The following IFIH1 variants were observed in gnomAD, a reference collection of about 807,000 sequenced individuals.
IFIH1 encodes the protein interferon induced with helicase C domain 1.
In IFIH1, 125 loss-of-function variants were observed where a neutral mutation model predicts 107.4. The observed-to-expected ratio is 1.16, with a 90% CI of 1.01 to 1.35. The LOEUF (loss-of-function observed/expected upper bound fraction) is 1.35. Ranked by LOEUF, IFIH1 falls within the 40% of genes most tolerant of loss-of-function variation. The pLI is 0.00. For synonymous variants in IFIH1, 458 were observed against 413.2 expected (o/e 1.11, Z -1.31); for missense variants, 1,333 against 1,213.7 (o/e 1.10, Z -1.46).
At chr2:162,294,525 CA>C (rs2105215484) in intron 3 of IFIH1, among the ~76,000 whole-genome samples, 1 of 151,986 alleles carries the variant, frequency 6.6e-6, no homozygotes, top group Non-Finnish European at 1.5e-5. Context: ...GAAGGACTTG[CA>C]AAATTTGCTA....
intron 3 of IFIH1, among the ~76,000 whole-genome samples, chr2:162,297,167 C>T (rs541657997): frequency 6.6e-6 from 1 of 152,170 alleles, no homozygotes; most frequent in African/African-American, 2.4e-5. Context: ...CACACACTCC[C>T]AAAAAAGTGA....
At chr2:162,271,001 G>C (rs1270309351) in intron 13 of IFIH1, among the ~76,000 whole-genome samples, 1 of 152,072 alleles carries the variant, frequency 6.6e-6, no homozygotes, top group Admixed American at 6.6e-5. Flanking sequence ...CCATATGCAA[G>C]GGTGTGAATT....
intron 13 of IFIH1, among the ~76,000 whole-genome samples, chr2:162,271,493 A>G (rs1691038422): frequency 6.6e-6 from 1 of 152,078 alleles, no homozygotes; most frequent in Admixed American, 6.6e-5. Context: ...GCATTAAGAG[A>G]AATACCTAAT....
chr2:162,282,030 T>C (rs1682818669), intron 6 of IFIH1, among the ~76,000 whole-genome samples: 1 of 151,980 alleles, frequency 6.6e-6, no homozygotes, highest in Non-Finnish European at 1.5e-5. Flanking sequence ...TCCTACCTTC[T>C]CATCCTATAC....
At chr2:162,277,263 C>A in intron 10 of IFIH1, 152 bp downstream of exon 10, 1 of 614,926 alleles carries the variant, frequency 1.6e-6, no homozygotes, top group South Asian at 2.2e-5. Flanking sequence ...CAACTGGTAG[C>A]TAATCTGGTC....
Position 162,304,577 on chromosome 2 carries a change from ATATCT to A in IFIH1, c.769+2127_769+2131del, listed in dbSNP as rs1683247914. ...TGGTACTATTTATGACAATGAATTG[ATATCT>A]TATATACTTAGATAGTTCATATAAG... On this transcript the variant is annotated intron_variant, in intron 3 of 15. Coordinates refer to ENST00000649979, the MANE Select transcript of IFIH1 (RefSeq NM_022168.4). Among the ~76,000 whole-genome samples, 3 of 152,338 alleles carry A rather than the reference ATATCT, an allele frequency of 2.0e-5. No individual in the cohort carries two copies. The South Asian group carries it at 6.2e-4, about 32-fold the overall frequency.
At position 162,314,416 on chromosome 2, in the gene IFIH1, T is replaced by TTTCTTTCCTTTC. The variant is rs71009355; in HGVS notation, c.453+3438_453+3439insGAAAGGAAAGAA. Among the ~76,000 whole-genome samples, 108 of 51,472 alleles carry TTTCTTTCCTTTC rather than the reference T, an allele frequency of 2.1e-3. 1 individual carries two copies. Among genetic ancestry groups the TTTCTTTCCTTTC allele is most frequent in the Middle Eastern group, 9.3e-3 (1 of 108 alleles). 33.8% of individuals were successfully genotyped at this position (51,472 alleles called of 152,430 possible). A position where few individuals can be genotyped will look rare whatever the true frequency, so the allele number is the denominator to read the frequency against. ...CCTCCCTCCTTTCTTTCTTTCTTTC[T>TTTCTTTCCTTTC]TTTCTTTCTTTCTTTCTTTCTTTCT... On this transcript the variant is annotated intron_variant, in intron 1 of 15. Transcript: ENST00000649979.
At chr2:162,303,841 T>C (rs1683233997) in intron 3 of IFIH1, among the ~76,000 whole-genome samples, 1 of 152,160 alleles carries the variant, frequency 6.6e-6, no homozygotes, top group Admixed American at 6.5e-5. Flanking sequence ...AATGCATTAG[T>C]CTGGTAATCT....
rs1682779832 is a variant in IFIH1, at chr2:162,280,130, T to C, written c.1525-18A>G. The C allele has an allele frequency of 7.7e-7, 1 of 1,293,330 alleles. No homozygotes were observed. Among genetic ancestry groups the C allele is most frequent in the Non-Finnish European group, 1.1e-6 (1 of 896,414 alleles). 80.1% of individuals were successfully genotyped at this position (1,293,330 alleles called of 1,614,324 possible). ...GCACATAGCTGGAAAAGAGACATTT[T>C]TCAATATTTATGCAATTATTTTTCC... On this transcript the variant is annotated intron_variant, in intron 7 of 15. Transcript: ENST00000649979.
intron 13 of IFIH1, among the ~76,000 whole-genome samples, chr2:162,269,852 T>C (rs1490525765): frequency 2.6e-5 from 4 of 152,220 alleles, no homozygotes; most frequent in East Asian, 1.9e-4. Flanking sequence ...GGCTATATAA[T>C]AGATTAATCA....
intron 8 of IFIH1, among the ~76,000 whole-genome samples, chr2:162,279,039 TTAAAG>T (rs1334081266): frequency 6.6e-6 from 1 of 151,998 alleles, no homozygotes; most frequent in Non-Finnish European, 1.5e-5. Flanking sequence ...TATAAAAAAA[TTAAAG>T]TAAGTTTAAA....
chr2:162,301,028 T>A (rs1195607100), intron 3 of IFIH1, among the ~76,000 whole-genome samples: 2 of 152,186 alleles, frequency 1.3e-5, no homozygotes, highest in Non-Finnish European at 2.9e-5. Context: ...AGAAGAAGGC[T>A]GTTTTGTAAA....
chr2:162,312,330 T>G (rs535322015), intron 1 of IFIH1, among the ~76,000 whole-genome samples: 18 of 152,268 alleles, frequency 1.2e-4, no homozygotes, highest in African/African-American at 4.1e-4. Context: ...TAGTTAAGCA[T>G]GCTGTTCTAG....
At chr2:162,314,438 T>TTCTTTCTTTCTC (rs1683446293) in intron 1 of IFIH1, among the ~76,000 whole-genome samples, 4 of 117,156 alleles carry the variant, frequency 3.4e-5, no homozygotes, top group Non-Finnish European at 3.2e-5. Flanking sequence ...CTTTCTTTCT[T>TTCTTTCTTTCTC]TCTTTCTTTC....
chr2:162,288,999 A>G (rs1038984109), intron 4 of IFIH1, among the ~76,000 whole-genome samples: 1 of 151,450 alleles, frequency 6.6e-6, no homozygotes, highest in Non-Finnish European at 1.5e-5. Flanking sequence ...ATCTGAGGCA[A>G]CTACGTTGTA....
intron 1 of IFIH1, among the ~76,000 whole-genome samples, chr2:162,312,316 C>G (rs2105231768): frequency 6.6e-6 from 1 of 152,202 alleles, no homozygotes; most frequent in South Asian, 2.1e-4. Flanking sequence ...GTCTTAGCAT[C>G]TAGTAGTTAA....
At chr2:162,272,489 TG>T (rs1443495285) in intron 12 of IFIH1, 102 bp from the exon 13 acceptor site, 1 of 1,008,542 alleles carries the variant, frequency 9.9e-7, no homozygotes, top group Admixed American at 2.6e-5. Flanking sequence ...GAAATGATAT[TG>T]GGTTGTTCAG....
chr2:162,298,780 A>G lies in IFIH1; in HGVS notation c.770-5112T>C, dbSNP rs1183748654. On this transcript the variant is annotated intron_variant, in intron 3 of 15. Transcript: ENST00000649979. ...TGTATATGGATCTACACACACACGC[A>G]CGCGCGCGCGCACACACACACACAC... 2.6e-5 allele frequency among the ~76,000 whole-genome samples: 4 copies of G among 151,096 alleles called. No homozygotes were observed. In the South Asian group the frequency reaches 8.4e-4, roughly 32 times the overall value.
In IFIH1 at chr2:162,280,035, C is replaced by T. The variant is rs1682777545; in HGVS notation, c.1602G>A (p.Glu534=). ...NLDQLKNQIQ[E]PCKKFAIADA... ...CTGCAATGGCAAACTTCTTGCATGG[C>T]TCCTGTATTTGGTTTTTCAGTTGAT... The change falls in exon 8 of 16, where the codon GAG becomes GAA. Residue 534 remains glutamate, a synonymous_variant. Transcript: ENST00000649979. The T allele has an allele frequency of 2.5e-6, 4 of 1,611,066 alleles. No individual in the cohort carries two copies. Among genetic ancestry groups the T allele is most frequent in the Non-Finnish European group, 3.4e-6 (4 of 1,177,726 alleles).
Sources: allele counts gnomAD v4.1 joint callset (sites outside exome capture counted in the v4.1 genomes callset), GRCh38; gene constraint gnomAD v4.1.1; transcripts MANE v1.5; gene names NCBI Gene and HGNC (gene_info 2026-07-23, HGNC 2026-07-21).